The following FAM3D variants were observed in gnomAD, a reference collection of about 807,000 sequenced individuals.
The protein encoded by FAM3D is FAM3 metabolism regulating signaling molecule D.
FAM3D carries 26 observed loss-of-function variants against 29.8 expected under a neutral mutation model. That is an observed-to-expected ratio of 0.87 (90% CI 0.64 to 1.21). The LOEUF (loss-of-function observed/expected upper bound fraction) is 1.21, where lower values mean the gene tolerates loss of function less well. Ranked by LOEUF, FAM3D falls within the 50% of genes most tolerant of loss-of-function variation. FAM3D has a pLI of 0.00. For missense variants in FAM3D, 253 were observed against 290.9 expected (o/e 0.87, Z 0.95); for synonymous variants, 115 against 102.3 (o/e 1.12, Z -0.75).
Position 58,655,533 on chromosome 3 carries a change from A to G in FAM3D, c.13+18T>C, listed in dbSNP as rs760507407. 1.2e-6 allele frequency: 2 copies of G among 1,613,142 alleles called. No individual in the cohort carries two copies. Among genetic ancestry groups the G allele is most frequent in the Non-Finnish European group, 1.7e-6 (2 of 1,179,454 alleles). ...CAGCTGACAGAAAAATGACTCCAAA[A>G]CCAATTTCAGAGCCTACCTGACACT... On this transcript the variant is annotated intron_variant, in intron 2 of 9. Transcript: ENST00000358781.
chr3:58,643,608 C>A (rs112585589), intron 6 of FAM3D, 54 bp downstream of exon 6: 5 of 1,570,798 alleles, frequency 3.2e-6, no homozygotes, highest in South Asian at 1.1e-5. Flanking sequence ...GCCGCTACCC[C>A]CTACCCTCCC....
chr3:58,636,962 G>A (rs2066187936), intron 8 of FAM3D, among the ~76,000 whole-genome samples, 179 bp downstream of exon 8: 1 of 152,190 alleles, frequency 6.6e-6, no homozygotes, highest in South Asian at 2.1e-4. Flanking sequence ...GTTTTTCACT[G>A]TGGTAATGAA....
chr3:58,661,274 T>C (rs1476033737), intron 1 of FAM3D, among the ~76,000 whole-genome samples: 1 of 152,186 alleles, frequency 6.6e-6, no homozygotes, highest in East Asian at 1.9e-4. Context: ...TGCCTGTCTT[T>C]GGCTCAGCCA....
At chr3:58,658,155 C>G (rs1285425833) in intron 1 of FAM3D, among the ~76,000 whole-genome samples, 1 of 152,192 alleles carries the variant, frequency 6.6e-6, no homozygotes, top group Non-Finnish European at 1.5e-5. Flanking sequence ...CCCATAGCTC[C>G]CTTCTCATTT....
At chr3:58,652,533 T>A (rs1430319369) in intron 3 of FAM3D, among the ~76,000 whole-genome samples, 4 of 147,040 alleles carry the variant, frequency 2.7e-5, no homozygotes, top group Non-Finnish European at 6.0e-5. Flanking sequence ...CCCATCCATC[T>A]ACTCACTCAT....
chr3:58,636,761 C>T (rs954292365), intron 8 of FAM3D, among the ~76,000 whole-genome samples: 1 of 49,874 alleles, frequency 2.0e-5, no homozygotes, highest in African/African-American at 5.9e-5. Context: ...TATGTATTTC[C>T]ATACAGTGTT....
At chr3:58,663,582 C>G (rs11918707) in intron 1 of FAM3D, among the ~76,000 whole-genome samples, 121,371 of 152,148 alleles carry the variant, frequency 0.8, 49,825 homozygotes, top group Non-Finnish European at 0.9. Flanking sequence ...ACTCGGATTA[C>G]ACTCCCACCC....
chr3:58,656,410 G>A (rs762785543), intron 1 of FAM3D, among the ~76,000 whole-genome samples: 9 of 152,192 alleles, frequency 5.9e-5, no homozygotes, highest in Admixed American at 2.0e-4. Context: ...GTCCTACTGC[G>A]GTCTCACTGC....
intron 6 of FAM3D, 27 bp from the exon 7 acceptor site, chr3:58,640,204 C>G (rs1474711447): frequency 1.2e-6 from 2 of 1,613,142 alleles, no homozygotes; most frequent in African/African-American, 2.7e-5. Flanking sequence ...GAACGATTAT[C>G]CCCTGTAACA....
chr3:58,637,617 G>T (rs1078849), intron 7 of FAM3D, among the ~76,000 whole-genome samples: 2 of 151,870 alleles, frequency 1.3e-5, no homozygotes, highest in South Asian at 4.2e-4. Context: ...CCCATTCTAC[G>T]CTGGACAATG....
At chr3:58,637,354 A>C in intron 7 of FAM3D, 129 bp from the exon 8 acceptor site, 2 of 792,360 alleles carry the variant, frequency 2.5e-6, no homozygotes, top group Non-Finnish European at 4.0e-6. Flanking sequence ...CTCAGAAGCC[A>C]GGAGGAAGAG....
intron 4 of FAM3D, among the ~76,000 whole-genome samples, chr3:58,648,061 T>C (rs2066527957): frequency 6.6e-6 from 1 of 152,072 alleles, no homozygotes. Flanking sequence ...CTGGGATTGA[T>C]TGGTGATGTC....
chr3:58,636,354 G>C lies in FAM3D; in HGVS notation c.525C>G (p.Phe175Leu). 6.2e-7 allele frequency: 1 copy of C among 1,614,208 alleles called. No homozygotes were observed. Among genetic ancestry groups the C allele is most frequent in the South Asian group, 1.1e-5 (1 of 91,086 alleles). Residue 175 changes from phenylalanine (F) to leucine (L), a missense_variant, in exon 9 of 10, where the codon TTC becomes TTG. By Grantham distance (22) the Phe-to-Leu change is conservative. Transcript: ENST00000358781. ...CTCCTATGAAGACCCAGCTGTCCCGGAAGCCCAGTTGTTTTGCGTAGGAAC... is the reference window on the plus strand; with the variant it reads ...CTCCTATGAAGACCCAGCTGTCCCGCAAGCCCAGTTGTTTTGCGTAGGAAC... ...LGSSYAKQLG[F>L]RDSWVFIGAK...
At chr3:58,652,246 C>G (rs1009624859) in intron 3 of FAM3D, among the ~76,000 whole-genome samples, 1 of 152,160 alleles carries the variant, frequency 6.6e-6, no homozygotes. Context: ...CATGTGAAAC[C>G]ACATCAAGGA....
chr3:58,644,589 T>G (rs907349299), intron 5 of FAM3D, among the ~76,000 whole-genome samples: 2 of 152,190 alleles, frequency 1.3e-5, no homozygotes, highest in African/African-American at 4.8e-5. Context: ...GAAAACGGAC[T>G]AATACGCTGG....
chr3:58,662,107 G>A (rs1045418055), intron 1 of FAM3D, among the ~76,000 whole-genome samples: 1 of 152,066 alleles, frequency 6.6e-6, no homozygotes, highest in Non-Finnish European at 1.5e-5. Context: ...AGCTGGGTGT[G>A]TTTTCCCCAG....
chr3:58,643,518 C>G, intron 6 of FAM3D, 144 bp downstream of exon 6: 2 of 884,822 alleles, frequency 2.3e-6, no homozygotes, highest in Non-Finnish European at 3.7e-6. Context: ...TCCCCCAGGC[C>G]AGCCACGCTT....
At chr3:58,650,573 G>T (rs1357873165) in intron 3 of FAM3D, among the ~76,000 whole-genome samples, 1 of 152,136 alleles carries the variant, frequency 6.6e-6, no homozygotes, top group Non-Finnish European at 1.5e-5. Context: ...GATGTAGAAA[G>T]AAGAGAGACC....
chr3:58,663,461 G>T (rs1237451302), intron 1 of FAM3D, among the ~76,000 whole-genome samples: 1 of 152,170 alleles, frequency 6.6e-6, no homozygotes, highest in African/African-American at 2.4e-5. Context: ...GTCAATACCT[G>T]TCCTTTACTT....
Sources: gnomAD v4.1 joint callset for allele counts (sites outside exome capture counted in the v4.1 genomes callset) on GRCh38, gnomAD v4.1.1 for gene constraint, MANE v1.5 for transcripts, NCBI Gene and HGNC (gene_info 2026-07-23, HGNC 2026-07-21) for gene names.